The following KLK5 variants were observed in gnomAD, a reference collection of about 807,000 sequenced individuals.
KLK5 encodes the protein kallikrein related peptidase 5.
In KLK5, 18 loss-of-function variants were observed where a neutral mutation model predicts 24.0. The ratio of observed to expected loss-of-function variants is 0.75; its 90% CI spans 0.52 to 1.11. KLK5 has a LOEUF of 1.11. KLK5 is among the 50% of genes most tolerant of loss of function. KLK5 has a pLI of 0.00. For synonymous variants in KLK5, 140 were observed against 154.0 expected, an observed-to-expected ratio of 0.91 and a Z score of 0.67; for missense variants, 374 against 379.2, an observed-to-expected ratio of 0.99 and a Z score of 0.11.
At chr19:50,944,917 CA>C (rs1424030896) in intron 5 of KLK5, among the ~76,000 whole-genome samples, 3 of 152,094 alleles carry the variant, frequency 2.0e-5, no homozygotes, top group African/African-American at 7.2e-5. Flanking sequence ...TGCTCTTCAA[CA>C]GTCATTTTTT....
At chr19:50,948,270 C>T (rs769617014) in intron 5 of KLK5, among the ~76,000 whole-genome samples, 30 of 152,036 alleles carry the variant, frequency 2.0e-4, no homozygotes, top group African/African-American at 5.8e-4. Flanking sequence ...TACAGGCGCC[C>T]GCCACCATGC....
chr19:50,945,831 C>G (rs551872401), intron 5 of KLK5, among the ~76,000 whole-genome samples: 1 of 99,334 alleles, frequency 1.0e-5, no homozygotes, highest in African/African-American at 3.5e-5. Flanking sequence ...TAAATATGTA[C>G]ATACTACAAT....
intron 5 of KLK5, 129 bp downstream of exon 5, chr19:50,948,511 G>T (rs1287135211): frequency 5.8e-6 from 5 of 855,142 alleles, no homozygotes; most frequent in Middle Eastern, 3.0e-4. Context: ...CTACTCTAGG[G>T]TATGAGCTCT....
intron 4 of KLK5, 36 bp downstream of exon 4, chr19:50,948,823 A>C: frequency 6.2e-7 from 1 of 1,614,084 alleles, no homozygotes; most frequent in Non-Finnish European, 8.5e-7. Flanking sequence ...AAGGCGGCAG[A>C]GATGGGTCGG....
chr19:50,950,030 C>T lies in KLK5; in HGVS notation c.160G>A (p.Ala54Thr). 3 of 1,613,594 alleles carry T rather than the reference C, an allele frequency of 1.9e-6. No homozygotes were observed. Among genetic ancestry groups the T allele is most frequent in the Non-Finnish European group, 2.5e-6 (3 of 1,179,898 alleles). The change falls in exon 3 of 6, where the codon GCC becomes ACC. Residue 54 changes from alanine to threonine, a missense_variant. Physicochemically the swap from Ala to Thr is moderately conservative, Grantham distance 58. Coordinates refer to ENST00000336334, the MANE Select transcript of KLK5 (RefSeq NM_012427.5). The part of the protein sequence containing the change: ...SGSNQDLGAG[A>T]GEDARSDDSS... ...TCATCCGACCGGGCGTCTTCCCCGG[C>T]CCCAGCTCCCAGGTCCTGGTTGCTC...
intron 3 of KLK5, 116 bp downstream of exon 3, chr19:50,949,739 A>ACCCCCCTTCCCCCT: frequency 9.3e-6 from 4 of 432,326 alleles, no homozygotes; most frequent in Middle Eastern, 8.9e-4. Flanking sequence ...GACACCCCCA[A>ACCCCCCTTCCCCCT]CCCCACTTCC....
intron 5 of KLK5, 25 bp downstream of exon 5, chr19:50,948,615 G>A: frequency 6.2e-7 from 1 of 1,613,492 alleles, no homozygotes; most frequent in Non-Finnish European, 8.5e-7. Context: ...GTGTGTATCT[G>A]CTGAATAAAG....
rs757224683 is a variant in KLK5, at chr19:50,950,052, G to C, written c.138C>G (p.Ser46Arg). The C allele has an allele frequency of 1.9e-6, 3 of 1,613,744 alleles. No individual in the cohort carries two copies. In the South Asian group the frequency reaches 3.3e-5, roughly 18 times the overall value. ...DHPSNTVPSG[S>R]NQDLGAGAGE... ...CGGCCCCAGCTCCCAGGTCCTGGTT[G>C]CTCCCAGAGGGCACGGTGTTAGAGG... is the stretch of plus-strand genomic sequence containing the variant. Residue 46 changes from serine to arginine, a missense_variant, in exon 3 of 6, where the codon AGC (serine) becomes AGG (arginine). By Grantham distance (110) the Ser-to-Arg change is moderately radical. Transcript: ENST00000336334.
chr19:50,945,001 TCTTTCTTCCTTTCTTTCTCCTTC>T (rs1359727208), intron 5 of KLK5, among the ~76,000 whole-genome samples: 20 of 151,718 alleles, frequency 1.3e-4, no homozygotes, highest in African/African-American at 4.4e-4. Flanking sequence ...TCTTTCTTTC[TCTTTCTTCCTTTCTTTCTCCTTC>T]CTTCCTTCCT....
Position 50,949,102 on chromosome 19 carries a change from G to A in KLK5, c.349C>T (p.Arg117Cys), listed in dbSNP as rs762627319. The change falls in exon 4 of 6, where the codon CGT becomes TGT. Residue 117 changes from arginine (R) to cysteine (C), a missense_variant. Arg to Cys is a radical substitution (Grantham distance 180). Transcript: ENST00000336334. ...AHCRKKVFRV[R>C]LGHYSLSPVY... ...GGTGACAGGGAGTAGTGGCCGAGAC[G>A]GACTCTGAAAACTCTGAGGAAGATG... is the stretch of plus-strand genomic sequence containing the variant. 41 of 1,612,154 alleles carry A rather than the reference G, an allele frequency of 2.5e-5. No individual in the cohort carries two copies. Among genetic ancestry groups the A allele is most frequent in the South Asian group, 7.7e-5 (7 of 91,014 alleles).
At position 50,949,985 on chromosome 19, in the gene KLK5, T is replaced by G. The variant is rs777845818; in HGVS notation, c.205A>C (p.Asn69His). 13 of 1,613,672 alleles carry G rather than the reference T, an allele frequency of 8.1e-6. No individual in the cohort carries two copies. Among genetic ancestry groups the G allele is most frequent in the Non-Finnish European group, 1.1e-5 (13 of 1,179,982 alleles). The change falls in exon 3 of 6, where the codon AAT (asparagine) becomes CAT (histidine). Residue 69 changes from asparagine (N) to histidine (H), a missense_variant. Coordinates refer to ENST00000336334, the MANE Select transcript of KLK5 (RefSeq NM_012427.5). Reference protein sequence around the residue: ...RSDDSSSRIINGSDCDMHTQP... With the variant: ...RSDDSSSRIIHGSDCDMHTQP... ...GTGTGCATATCGCAGTCGGATCCAT[T>G]GATGATGCGGCTGCTGCTGTCATCC...
chr19:50,949,209 C>T, intron 3 of KLK5, 94 bp from the exon 4 acceptor site: 1 of 1,273,566 alleles, frequency 7.9e-7, no homozygotes. Flanking sequence ...GCCCCACCCC[C>T]ATCCCCACCC....
intron 5 of KLK5, among the ~76,000 whole-genome samples, chr19:50,944,311 G>A (rs1180522187): frequency 1.3e-5 from 2 of 152,058 alleles, no homozygotes; most frequent in East Asian, 3.9e-4. Flanking sequence ...TGGCCTCCAA[G>A]TTCAACCTTT....
chr19:50,951,616 G>A lies in KLK5; in HGVS notation c.73+969C>T, dbSNP rs372745011. Among the ~76,000 whole-genome samples, 14 of 152,156 alleles carry A rather than the reference G, an allele frequency of 9.2e-5. No individual in the cohort carries two copies. The South Asian group carries it at 1.2e-3, about 14-fold the overall frequency. On this transcript the variant is annotated intron_variant, in intron 2 of 5. Transcript: ENST00000336334. The stretch of plus-strand genomic sequence containing the variant: ...TGGCCCTGGCACCACCATCATTCAC[G>A]AACTCACCCCAAGAACCACGCGCAC...
At chr19:50,946,022 T>C (rs901228735) in intron 5 of KLK5, among the ~76,000 whole-genome samples, 1 of 152,258 alleles carries the variant, frequency 6.6e-6, no homozygotes, top group Non-Finnish European at 1.5e-5. Context: ...CATTTCTTAC[T>C]TACATGCATG....
chr19:50,944,917 C>CA (rs2090617128), intron 5 of KLK5, among the ~76,000 whole-genome samples: 1 of 152,094 alleles, frequency 6.6e-6, no homozygotes, highest in Non-Finnish European at 1.5e-5. Context: ...TGCTCTTCAA[C>CA]AGTCATTTTT....
intron 5 of KLK5, among the ~76,000 whole-genome samples, chr19:50,945,081 C>T (rs1346047448): frequency 1.4e-5 from 2 of 140,050 alleles, no homozygotes; most frequent in Admixed American, 1.6e-4. Context: ...CTTCCTTTCT[C>T]TCTCCTTCCT....
At position 50,943,495 on chromosome 19, in the gene KLK5, G is replaced by T; in HGVS notation, c.*136C>A. ...CCAATGTGGGGGAAGCAGACCCTGA[G>T]TCCAGGAGACATGGGGTCAGGGGCT... On this transcript the variant is annotated 3_prime_UTR_variant, in exon 6 of 6. Transcript: ENST00000336334. 1 of 825,464 alleles carries T rather than the reference G, an allele frequency of 1.2e-6. No individual in the cohort carries two copies. Among genetic ancestry groups the T allele is most frequent in the Non-Finnish European group, 2.0e-6 (1 of 510,494 alleles). 51.1% of individuals were successfully genotyped at this position (825,464 alleles called of 1,614,324 possible).
chr19:50,949,910 C>G lies in KLK5; in HGVS notation c.280G>C (p.Gly94Arg). 2.5e-6 allele frequency: 4 copies of G among 1,613,426 alleles called. 1 individual carries two copies. The highest frequency in any genetic ancestry group is 2.2e-5 in the South Asian group (2 of 91,056). Reference sequence around the variant, plus strand: ...CACTGTGGATGCACCAACACCGCCCCGCAGTAGAGCTGGTTGGGCCTTAGC... The same window carrying G: ...CACTGTGGATGCACCAACACCGCCCGGCAGTAGAGCTGGTTGGGCCTTAGC... ...LLLRPNQLYC[G>R]AVLVHPQWLL... Residue 94 changes from glycine (G) to arginine (R), a missense_variant, in exon 3 of 6, where the codon GGG becomes CGG. By Grantham distance (125) the Gly-to-Arg change is moderately radical (BLOSUM62 -2). Coordinates refer to ENST00000336334, the MANE Select transcript of KLK5 (RefSeq NM_012427.5).
Sources: allele counts gnomAD v4.1 joint callset (sites outside exome capture counted in the v4.1 genomes callset), GRCh38; gene constraint gnomAD v4.1.1; transcripts MANE v1.5; gene names NCBI Gene and HGNC (gene_info 2026-07-23, HGNC 2026-07-21).